The following DAO variants were observed in gnomAD, a reference collection of about 807,000 sequenced individuals.
DAO encodes the protein D-amino acid oxidase.
A neutral mutation model predicts 50.1 loss-of-function variants in DAO; 51 were observed. That is an observed-to-expected ratio of 1.02 (90% CI 0.81 to 1.29). The LOEUF (loss-of-function observed/expected upper bound fraction) is 1.29. DAO is among the 50% of genes most tolerant of loss of function. The probability of loss-of-function intolerance (pLI) is 0.00; values close to 1 mark genes in which losing one functional copy is unlikely to be tolerated. For synonymous variants in DAO, 160 were observed against 166.2 expected, an observed-to-expected ratio of 0.96 and a Z score of 0.29; for missense variants, 436 against 439.4, an observed-to-expected ratio of 0.99 and a Z score of 0.07.
Position 108,899,544 on chromosome 12 carries a change from A to G in DAO, c.912+69A>G, listed in dbSNP as rs3918347. On this transcript the variant is annotated intron_variant, in intron 10 of 10. Transcript: ENST00000228476. The stretch of plus-strand genomic sequence containing the variant: ...CAGATGGCTCTGGCATTTTCAGGGA[A>G]CAGTCATGTCTGATCTCAAGTTCCA... 406,886 of 1,331,902 alleles carry G rather than the reference A, an allele frequency of 0.31. 66,870 individuals carry two copies. The highest frequency in any genetic ancestry group is 0.55 in the Admixed American group (29,628 of 53,640). The allele number at this position is 1,331,902 out of a possible 1,614,324, so 82.5% of individuals were successfully genotyped here.
chr12:108,884,826 C>T (rs972126212), intron 1 of DAO, among the ~76,000 whole-genome samples, 172 bp from the exon 2 acceptor site: 3 of 152,128 alleles, frequency 2.0e-5, no homozygotes, highest in African/African-American at 7.2e-5. Flanking sequence ...TTTCCATTTG[C>T]AAAACGGGAA....
chr12:108,890,656 G>A (rs933059877), intron 5 of DAO, among the ~76,000 whole-genome samples: 1 of 151,334 alleles, frequency 6.6e-6, no homozygotes, highest in African/African-American at 2.4e-5. Context: ...AACTGCTTTG[G>A]CCAATACCTC....
intron 1 of DAO, among the ~76,000 whole-genome samples, chr12:108,881,162 T>TCACACACACACACACACACACACACA (rs66697500): frequency 1.4e-5 from 2 of 139,228 alleles, no homozygotes; most frequent in African/African-American, 5.5e-5. Context: ...GACATTCTAA[T>TCACACACACACACACACACACACACA]CACACACACA....
rs769273884 is a variant in DAO, at chr12:108,898,678, G to C, written c.696-1G>C. The C allele has an allele frequency of 6.2e-7, 1 of 1,600,652 alleles. No homozygotes were observed. The highest frequency in any genetic ancestry group is 1.1e-5 in the South Asian group (1 of 90,764). ...CCTTGACCCTCCTCATTTGTATCTA[G>C]GACCCAGACAGTTACTCTTGGAGGC... On this transcript the variant is annotated splice_acceptor_variant, in intron 8 of 10. Coordinates refer to ENST00000228476, the MANE Select transcript of DAO (RefSeq NM_001917.5). LOFTEE classifies it high-confidence loss of function.
intron 3 of DAO, among the ~76,000 whole-genome samples, 179 bp downstream of exon 3, chr12:108,887,743 G>A (rs1027414040): frequency 6.6e-6 from 1 of 152,138 alleles, no homozygotes; most frequent in South Asian, 2.1e-4. Context: ...AATTATTTTT[G>A]TTTTACATTT....
intron 2 of DAO, among the ~76,000 whole-genome samples, 175 bp from the exon 3 acceptor site, chr12:108,887,275 T>C (rs1289084267): frequency 6.6e-6 from 1 of 152,022 alleles, no homozygotes; most frequent in Non-Finnish European, 1.5e-5. Flanking sequence ...TATTGGAAAA[T>C]TTAGGAGGGA....
rs761019624 is a variant in DAO, at chr12:108,899,445, A to G, written c.882A>G (p.Glu294=). ...GCCCCCAGATTCGGCTAGAAAGAGA[A>G]CAGCTTCGCACTGGACCTTCAAACA... ...PVRPQIRLER[E]QLRTGPSNTE... Residue 294 remains glutamate, a synonymous_variant, in exon 10 of 11, where the codon GAA becomes GAG. Coordinates refer to ENST00000228476, the MANE Select transcript of DAO (RefSeq NM_001917.5). The G allele has an allele frequency of 2.5e-6, 4 of 1,613,806 alleles. No homozygotes were observed. The highest frequency in any genetic ancestry group is 2.5e-6 in the Non-Finnish European group (3 of 1,179,900).
At chr12:108,897,708 G>A (rs1012002544) in intron 8 of DAO, among the ~76,000 whole-genome samples, 3 of 152,084 alleles carry the variant, frequency 2.0e-5, no homozygotes, top group African/African-American at 4.8e-5. Flanking sequence ...AGCACTTTGC[G>A]AGGCCAATGT....
intron 2 of DAO, among the ~76,000 whole-genome samples, chr12:108,887,172 T>A (rs1376840904): frequency 2.0e-5 from 3 of 152,164 alleles, no homozygotes; most frequent in Non-Finnish European, 2.9e-5. Context: ...CTGAAACTCA[T>A]CAGCCATGTA....
intron 4 of DAO, 58 bp downstream of exon 4, chr12:108,889,603 C>T (rs2137349149): frequency 7.6e-7 from 1 of 1,322,286 alleles, no homozygotes; most frequent in Admixed American, 1.7e-5. Flanking sequence ...CAGACCTGTC[C>T]AGAAGGCAGC....
At chr12:108,894,460 C>G in intron 7 of DAO, 93 bp downstream of exon 7, 1 of 1,102,154 alleles carries the variant, frequency 9.1e-7, no homozygotes, top group Non-Finnish European at 1.4e-6. Flanking sequence ...AAATCAGGAA[C>G]ATCTGTTAGA....
At chr12:108,890,475 A>T (rs1220697826) in intron 5 of DAO, among the ~76,000 whole-genome samples, 1 of 152,206 alleles carries the variant, frequency 6.6e-6, no homozygotes, top group East Asian at 1.9e-4. Context: ...CATCAGAACC[A>T]CCTGGGCAGC....
rs373275502 is a variant in DAO at position 108,882,044 on chromosome 12, C to T, written c.-10+1820C>T. Among the ~76,000 whole-genome samples the T allele has an allele frequency of 7.2e-5, 11 of 151,744 alleles. No individual in the cohort carries two copies. The South Asian group carries it at 1.3e-3, about 17-fold the overall frequency. ...TGAAGCTTCAGCTGTTCCTATTTACCGGCTTGATTCTCAGATTTTTCAAAC... is the reference window on the plus strand; with the variant it reads ...TGAAGCTTCAGCTGTTCCTATTTACTGGCTTGATTCTCAGATTTTTCAAAC... On this transcript the variant is annotated intron_variant, in intron 1 of 10. Transcript: ENST00000228476.
Position 108,893,040 on chromosome 12 carries a change from AG to A in DAO, c.507+5del, listed in dbSNP as rs1306889271. Reference sequence around the variant, plus strand: ...GAAAGTGGAGTCTTTTGAGGAGGTGAGTTGCAGGGCTGATGCGGTGGATGGG... The same window carrying A: ...GAAAGTGGAGTCTTTTGAGGAGGTGATTGCAGGGCTGATGCGGTGGATGGG... On this transcript the variant is annotated splice_donor_5th_base_variant and intron_variant, in intron 6 of 10. Transcript: ENST00000228476. 2 of 1,613,380 alleles carry A rather than the reference AG, an allele frequency of 1.2e-6. No individual in the cohort carries two copies. Among genetic ancestry groups the A allele is most frequent in the Admixed American group, 3.3e-5 (2 of 59,998 alleles).
At chr12:108,888,908 C>G (rs1178389743) in intron 3 of DAO, among the ~76,000 whole-genome samples, 1 of 152,164 alleles carries the variant, frequency 6.6e-6, no homozygotes, top group Non-Finnish European at 1.5e-5. Context: ...GGGTTAAAAT[C>G]CCAACACCAC....
At chr12:108,883,716 C>G (rs11114083) in intron 1 of DAO, 1 of 443,552 alleles carries the variant, frequency 2.3e-6, no homozygotes, top group South Asian at 1.6e-5. Flanking sequence ...AGGGGCTGTC[C>G]CCTAAGCCCC....
intron 1 of DAO, among the ~76,000 whole-genome samples, chr12:108,884,301 C>T (rs1194318881): frequency 6.6e-6 from 1 of 152,240 alleles, no homozygotes; most frequent in Non-Finnish European, 1.5e-5. Flanking sequence ...ATTTAACTGG[C>T]TGTGTGACTT....
At chr12:108,892,831 C>G (rs1046666569) in intron 5 of DAO, 151 bp from the exon 6 acceptor site, 15 of 735,144 alleles carry the variant, frequency 2.0e-5, no homozygotes, top group Admixed American at 1.6e-4. Flanking sequence ...TGCTCATGAG[C>G]TGATTTGATG....
chr12:108,893,112 G>A, intron 6 of DAO, 76 bp downstream of exon 6: 4 of 1,390,714 alleles, frequency 2.9e-6, no homozygotes, highest in Non-Finnish European at 4.0e-6. Flanking sequence ...CTGAGTCGGG[G>A]GCTCCCTTCT....
Sources: gnomAD v4.1 joint callset for allele counts (sites outside exome capture counted in the v4.1 genomes callset) on GRCh38, gnomAD v4.1.1 for gene constraint, MANE v1.5 for transcripts, NCBI Gene and HGNC (gene_info 2026-07-23, HGNC 2026-07-21) for gene names.